Variants in ZNF483 observed in about 807,000 individuals in gnomAD.
The protein encoded by ZNF483 is zinc finger protein 483.
Under a neutral mutation model 28.6 loss-of-function variants are expected in ZNF483, and 9 were observed. The observed-to-expected ratio is 0.32, with a 90% confidence interval of 0.19 to 0.55. ZNF483 has a LOEUF of 0.55. Ranked by LOEUF, ZNF483 falls within the 20% of genes least tolerant of loss-of-function variation. The probability of loss-of-function intolerance (pLI) is 0.93; values close to 1 mark genes in which losing one functional copy is unlikely to be tolerated. For synonymous variants in ZNF483, 322 were observed against 306.2 expected, an observed-to-expected ratio of 1.05 and a Z score of -0.54; for missense variants, 675 against 871.7, an observed-to-expected ratio of 0.77 and a Z score of 2.84.
rs910227850 is a variant in ZNF483 at position 111,553,742 on chromosome 9, T to C, written c.*10572T>C. Among the ~76,000 whole-genome samples, 5 of 152,262 alleles carry C rather than the reference T, an allele frequency of 3.3e-5. No individual in the cohort carries two copies. Among genetic ancestry groups the C allele is most frequent in the Non-Finnish European group, 5.9e-5 (4 of 68,050 alleles). ...CGTTTAGTGGAAAAGTATTTGACTC[T>C]GCTTCTGTTTTTAAAATTGTGAAAT... On this transcript the variant is annotated 3_prime_UTR_variant, in exon 6 of 6. Coordinates refer to ENST00000309235, the MANE Select transcript of ZNF483 (RefSeq NM_133464.5).
rs12237733 is a variant in ZNF483 at position 111,543,776 on chromosome 9, C to T, written c.*606C>T. The T allele has an allele frequency of 3.5e-3, 1,990 of 561,326 alleles. No homozygotes were observed. Among genetic ancestry groups the T allele is most frequent in the East Asian group, 8.0e-3 (33 of 4,102 alleles). The allele number at this position is 561,326 out of a possible 1,614,324, so 34.8% of individuals were successfully genotyped here. A position where few individuals can be genotyped will look rare whatever the true frequency, so the allele number is the denominator to read the frequency against. ...GCTGGACTTCTTTTCTTTTTTTTTT[C>T]TTTTTTTTTTTTCAATTTTTCTTTT... On this transcript the variant is annotated 3_prime_UTR_variant, in exon 6 of 6. Transcript: ENST00000309235.
chr9:111,527,628 A>G lies in ZNF483; in HGVS notation c.233A>G (p.Asn78Ser), dbSNP rs752020171. 2.5e-6 allele frequency: 4 copies of G among 1,614,072 alleles called. No individual in the cohort carries two copies. The African/African-American group carries it at 4.0e-5, about 16-fold the overall frequency. Reference sequence around the variant, plus strand: ...CTGAGTCAACTCTGGGAGCTCTGCAATCAGTGGCTGAGACCAGACATTCAC... The same window carrying G: ...CTGAGTCAACTCTGGGAGCTCTGCAGTCAGTGGCTGAGACCAGACATTCAC... ...KALSQLWELCNQWLRPDIHTK... is the reference protein window; with the variant it reads ...KALSQLWELCSQWLRPDIHTK... Residue 78 changes from asparagine to serine, a missense_variant, in exon 2 of 6, where the codon AAT (asparagine) becomes AGT (serine). Physicochemically the swap from Asn to Ser is conservative, Grantham distance 46. This residue lies in a region of ZNF483 where 525 missense variants were observed against 581.8 expected (regional missense o/e 0.90). Transcript: ENST00000309235.
intron 5 of ZNF483, among the ~76,000 whole-genome samples, chr9:111,571,926 T>A (rs1426265478): frequency 6.6e-6 from 1 of 152,208 alleles, no homozygotes; most frequent in Non-Finnish European, 1.5e-5. Flanking sequence ...AAGAAGATAC[T>A]ACCCTTCTGC....
chr9:111,536,096 T>C (rs929754647), intron 5 of ZNF483, among the ~76,000 whole-genome samples: 11 of 150,300 alleles, frequency 7.3e-5, no homozygotes, highest in Non-Finnish European at 1.6e-4. Context: ...CGTTTCCCCA[T>C]GGAAAGGAGG....
At chr9:111,557,353 G>A (rs755518703), downstream of ZNF483, among the ~76,000 whole-genome samples, 28 of 151,034 alleles carry the variant, frequency 1.9e-4, no homozygotes, top group Non-Finnish European at 3.1e-4. Context: ...CAGTTTGGGC[G>A]ACAGATCGAG....
rs1178820508 is a variant in ZNF483, at chr9:111,550,174, C to T, written c.*7004C>T. On this transcript the variant is annotated 3_prime_UTR_variant, in exon 6 of 6. Coordinates refer to ENST00000309235, the MANE Select transcript of ZNF483 (RefSeq NM_133464.5). Reference sequence around the variant, plus strand: ...TTGTCTCAATTCTTTACAGAGCCTGCGTTTTTCCCTGGGCGGGAGCAATGG... The same window carrying T: ...TTGTCTCAATTCTTTACAGAGCCTGTGTTTTTCCCTGGGCGGGAGCAATGG... Among the ~76,000 whole-genome samples, 2 of 152,152 alleles carry T rather than the reference C, an allele frequency of 1.3e-5. No homozygotes were observed. The highest frequency in any genetic ancestry group is 1.9e-4 in the East Asian group (1 of 5,192).
At chr9:111,570,254 G>GCCCATGGTGAAACAAGCAGTACAGGTCA in intron 5 of ZNF483, 4 of 1,584,660 alleles carry the variant, frequency 2.5e-6, no homozygotes, top group Non-Finnish European at 3.4e-6. Context: ...CCAGGGAGGT[G>GCCCATGGTGAAACAAGCAGTACAGGTCA]CCCATGGTGA....
chr9:111,531,883 T>G (rs777203524), intron 3 of ZNF483, among the ~76,000 whole-genome samples: 1 of 152,190 alleles, frequency 6.6e-6, no homozygotes, highest in Non-Finnish European at 1.5e-5. Context: ...GGGGTCTTGC[T>G]GTGTTGCCCA....
At position 111,543,550 on chromosome 9, in the gene ZNF483, C is replaced by T. The variant is rs1215525591; in HGVS notation, c.*380C>T. ...ACCAACTTGCTGTATACACCTTGGACAAGTCATTTGACCTTTCAGAATTTT... is the reference window on the plus strand; with the variant it reads ...ACCAACTTGCTGTATACACCTTGGATAAGTCATTTGACCTTTCAGAATTTT... On this transcript the variant is annotated 3_prime_UTR_variant, in exon 6 of 6. Coordinates refer to ENST00000309235, the MANE Select transcript of ZNF483 (RefSeq NM_133464.5). 4 of 997,768 alleles carry T rather than the reference C, an allele frequency of 4.0e-6. No individual in the cohort carries two copies. The South Asian group carries it at 1.4e-4, about 35-fold the overall frequency. The allele number at this position is 997,768 out of a possible 1,614,324, so 61.8% of individuals were successfully genotyped here.
intron 5 of ZNF483, 70 bp from the exon 6 acceptor site, chr9:111,541,587 A>AT (rs1827671239): frequency 1.5e-6 from 2 of 1,302,678 alleles, no homozygotes; most frequent in Admixed American, 4.9e-5. Flanking sequence ...ATGTGTTCCT[A>AT]TTTCAGACCC....
intron 5 of ZNF483, among the ~76,000 whole-genome samples, chr9:111,561,084 AATATATATAT>A (rs368827456): frequency 3.9e-4 from 8 of 20,344 alleles, no homozygotes; most frequent in East Asian, 2.1e-3. Flanking sequence ...CTCCATCTAA[AATATATATAT>A]ATATATATAT....
Position 111,544,792 on chromosome 9 carries a change from C to T in ZNF483, c.*1622C>T, listed in dbSNP as rs531195411. Among the ~76,000 whole-genome samples, 59 of 152,032 alleles carry T rather than the reference C, an allele frequency of 3.9e-4. No individual in the cohort carries two copies. Among genetic ancestry groups the T allele is most frequent in the Non-Finnish European group, 8.2e-4 (56 of 67,992 alleles). ...TCCTTATAAATTTCATTGGTGGAGT[C>T]TGAATAATAATTTCCAACTGAAAAA... On this transcript the variant is annotated 3_prime_UTR_variant, in exon 6 of 6. Coordinates refer to ENST00000309235, the MANE Select transcript of ZNF483 (RefSeq NM_133464.5).
intron 5 of ZNF483, among the ~76,000 whole-genome samples, chr9:111,568,910 T>TA (rs1419950284): frequency 1.3e-5 from 2 of 152,192 alleles, no homozygotes; most frequent in Non-Finnish European, 2.9e-5. Flanking sequence ...TCAGATTCTG[T>TA]ATATATTTTG....
chr9:111,562,838 A>C (rs1828372119), intron 5 of ZNF483: 1 of 725,406 alleles, frequency 1.4e-6, no homozygotes, highest in South Asian at 3.6e-5. Context: ...TATGAATGAA[A>C]ACATACAGTG....
Position 111,543,791 on chromosome 9 carries a change from A to G in ZNF483, c.*621A>G, listed in dbSNP as rs1827735996. On this transcript the variant is annotated 3_prime_UTR_variant, in exon 6 of 6. Transcript: ENST00000309235. Reference sequence around the variant, plus strand: ...TTTTTTTTTTCTTTTTTTTTTTTCAATTTTTCTTTTTTGGGATGGAGTCTC... The same window carrying G: ...TTTTTTTTTTCTTTTTTTTTTTTCAGTTTTTCTTTTTTGGGATGGAGTCTC... 3 of 908,302 alleles carry G rather than the reference A, an allele frequency of 3.3e-6. No individual in the cohort carries two copies. Among genetic ancestry groups the G allele is most frequent in the Non-Finnish European group, 3.9e-6 (3 of 772,096 alleles). The allele number at this position is 908,302 out of a possible 1,614,324, so 56.3% of individuals were successfully genotyped here. A position where few individuals can be genotyped will look rare whatever the true frequency, so the allele number is the denominator to read the frequency against.
intron 5 of ZNF483, chr9:111,570,096 A>G: frequency 6.2e-7 from 1 of 1,614,132 alleles, no homozygotes; most frequent in East Asian, 2.2e-5. Context: ...CTTACCTCTA[A>G]GACCCATTTC....
chr9:111,525,589 C>T (rs1224416324), intron 1 of ZNF483, among the ~76,000 whole-genome samples: 1 of 152,174 alleles, frequency 6.6e-6, no homozygotes, highest in African/African-American at 2.4e-5. Flanking sequence ...AACAGTACCA[C>T]CTCTCGTCCT....
At chr9:111,527,025 A>C (rs958622220) in intron 1 of ZNF483, among the ~76,000 whole-genome samples, 4 of 152,050 alleles carry the variant, frequency 2.6e-5, no homozygotes, top group Admixed American at 1.3e-4. Context: ...ACTTGAACCC[A>C]GCCGGGGCAG....
chr9:111,528,276 A>G (rs1827230263), intron 2 of ZNF483, among the ~76,000 whole-genome samples: 1 of 152,368 alleles, frequency 6.6e-6, no homozygotes, highest in South Asian at 2.1e-4. Context: ...ATTCAAGTAC[A>G]TGAAAAGCAG....
Sources: gnomAD v4.1 joint callset for allele counts (sites outside exome capture counted in the v4.1 genomes callset) on GRCh38, gnomAD v4.1.1 for gene constraint, gnomAD v4.1.1 regional missense constraint, MANE v1.5 for transcripts, NCBI Gene and HGNC (gene_info 2026-07-23, HGNC 2026-07-21) for gene names.